Variants in KLF9 observed in about 807,000 individuals in gnomAD.
KLF9 encodes KLF transcription factor 9.
A neutral mutation model predicts 17.3 loss-of-function variants in KLF9; 2 were observed. The observed-to-expected ratio is 0.12, with a 90% CI of 0.05 to 0.36. The LOEUF (loss-of-function observed/expected upper bound fraction) is 0.36, where lower values mean the gene tolerates loss of function less well. Ranked by LOEUF, KLF9 falls within the 10% of genes least tolerant of loss-of-function variation. The probability of loss-of-function intolerance (pLI) is 1.00; values close to 1 mark genes in which losing one functional copy is unlikely to be tolerated. For missense variants in KLF9, 226 were observed against 333.2 expected (o/e 0.68, Z 2.51); for synonymous variants, 138 against 139.2 (o/e 0.99, Z 0.06).
In KLF9 at chr9:70,413,452, AGCGCGGCGCGGCGCGGCACG is replaced by A. The variant is rs1564090823; in HGVS notation, c.-109_-90del. ...CGCCCTGCCCTGGCCTCGGACGACG[AGCGCGGCGCGGCGCGGCACG>A]GCGCGGCGGCCAAGGGGGCGGGGGC... On this transcript the variant is annotated 5_prime_UTR_variant, in exon 1 of 2. Transcript: ENST00000377126. The surrounding 1 kb of genome is among the most constrained non-coding windows in gnomAD (Gnocchi z 5.6). The A allele has an allele frequency of 1.6e-6, 2 of 1,257,914 alleles. No homozygotes were observed. Among genetic ancestry groups the A allele is most frequent in the African/African-American group, 1.6e-5 (1 of 63,814 alleles). The allele number at this position is 1,257,914 out of a possible 1,614,324, so 77.9% of individuals were successfully genotyped here.
chr9:70,401,414 C>T lies in KLF9; in HGVS notation c.505+11445G>A, dbSNP rs972444033. 7.3e-5 allele frequency among the ~76,000 whole-genome samples: 11 copies of T among 151,636 alleles called. No individual in the cohort carries two copies. The South Asian group carries it at 8.3e-4, about 12-fold the overall frequency. ...TAAAAATACAAAAATTAGCTGGGTG[C>T]GGTGGCTCATGCCTGTAATCCAGCA... On this transcript the variant is annotated intron_variant, in intron 1 of 1. Transcript: ENST00000377126.
chr9:70,412,073 T>G (rs1287524472), intron 1 of KLF9, among the ~76,000 whole-genome samples: 1 of 150,550 alleles, frequency 6.6e-6, no homozygotes, highest in Non-Finnish European at 1.5e-5. Context: ...AACTATTCCC[T>G]GAGGCCTCCA....
intron 1 of KLF9, among the ~76,000 whole-genome samples, chr9:70,411,670 A>G (rs1285460586): frequency 6.6e-6 from 1 of 152,044 alleles, no homozygotes; most frequent in African/African-American, 2.4e-5. Context: ...ATCAAGTATC[A>G]TTTTTTTCCA....
chr9:70,388,617 A>C (rs2037130953), intron 1 of KLF9, among the ~76,000 whole-genome samples: 1 of 152,156 alleles, frequency 6.6e-6, no homozygotes, highest in South Asian at 2.1e-4. Flanking sequence ...TTTCAAGAGT[A>C]AAAAAGCTGA....
At position 70,408,900 on chromosome 9, in the gene KLF9, G is replaced by A. The variant is rs544284910; in HGVS notation, c.505+3959C>T. Among the ~76,000 whole-genome samples, 9 of 149,880 alleles carry A rather than the reference G, an allele frequency of 6.0e-5. No individual in the cohort carries two copies. In the South Asian group the frequency reaches 8.4e-4, roughly 14 times the overall value. ...TGCCAAGGATCCCAAGAATGTGTTC[G>A]AAGAGGCTAAGGAGCAGAAGCCGCC... On this transcript the variant is annotated intron_variant, in intron 1 of 1. Transcript: ENST00000377126.
At position 70,386,566 on chromosome 9, in the gene KLF9, G is replaced by C. The variant is rs981041892; in HGVS notation, c.*1210C>G. Reference sequence around the variant, plus strand: ...TACATAACTCTTGCACCTGAGAGTGGGAGTTTTGTAGGAACACAGGAAGGA... The same window carrying C: ...TACATAACTCTTGCACCTGAGAGTGCGAGTTTTGTAGGAACACAGGAAGGA... On this transcript the variant is annotated 3_prime_UTR_variant, in exon 2 of 2. Transcript: ENST00000377126. 1 of 152,536 alleles carries C rather than the reference G, an allele frequency of 6.6e-6. No homozygotes were observed. The highest frequency in any genetic ancestry group is 1.5e-5 in the Non-Finnish European group (1 of 68,018). The allele number at this position is 152,536 out of a possible 1,614,324, so 9.4% of individuals were successfully genotyped here.
intron 1 of KLF9, among the ~76,000 whole-genome samples, chr9:70,409,176 A>ATG (rs71489076): frequency 1.3e-4 from 13 of 102,072 alleles, no homozygotes; most frequent in East Asian, 2.2e-4. Flanking sequence ...ATATGTATAT[A>ATG]TATGTATACA....
intron 1 of KLF9, among the ~76,000 whole-genome samples, chr9:70,409,102 G>GTGTATATATATACATATA (rs2037285455): frequency 1.2e-5 from 1 of 85,580 alleles, no homozygotes; most frequent in Non-Finnish European, 2.7e-5. Flanking sequence ...GTATATATAT[G>GTGTATATATATACATATA]TGTATATATA....
intron 1 of KLF9, among the ~76,000 whole-genome samples, chr9:70,392,904 A>T (rs1181461151): frequency 6.6e-6 from 1 of 152,190 alleles, no homozygotes; most frequent in Non-Finnish European, 1.5e-5. Flanking sequence ...AAAATACCCA[A>T]CACACTTGTA....
intron 1 of KLF9, among the ~76,000 whole-genome samples, chr9:70,408,061 T>C (rs1343226277): frequency 6.6e-6 from 1 of 152,102 alleles, no homozygotes; most frequent in Non-Finnish European, 1.5e-5. Flanking sequence ...ACAGCTCAAG[T>C]GTATCTGTGG....
rs753450900 is a variant in KLF9, at chr9:70,414,480, A to T, written c.-1117T>A. On this transcript the variant is annotated 5_prime_UTR_variant, in exon 1 of 2. Transcript: ENST00000377126. ...GGCGTTCCGAAAGCAAGCGCTCGAC[A>T]CTTGTAAACGCGAAGAGCTGTAGTG... The T allele has an allele frequency of 2.6e-5, 4 of 152,236 alleles. No individual in the cohort carries two copies. Among genetic ancestry groups the T allele is most frequent in the Non-Finnish European group, 5.9e-5 (4 of 68,050 alleles). The allele number at this position is 152,236 out of a possible 1,614,324, so 9.4% of individuals were successfully genotyped here.
chr9:70,407,885 C>A (rs921087797), intron 1 of KLF9, among the ~76,000 whole-genome samples: 4 of 152,200 alleles, frequency 2.6e-5, no homozygotes, highest in African/African-American at 9.7e-5. Context: ...CAGCCTTTTG[C>A]ATAGATTGTT....
chr9:70,406,966 T>G (rs2037260338), intron 1 of KLF9, among the ~76,000 whole-genome samples: 1 of 151,970 alleles, frequency 6.6e-6, no homozygotes, highest in Admixed American at 6.6e-5. Context: ...GCTTTTTTTT[T>G]TTTTAATGAA....
chr9:70,401,701 AAAAAGAAAAG>A, intron 1 of KLF9, among the ~76,000 whole-genome samples: 2 of 149,570 alleles, frequency 1.3e-5, no homozygotes, highest in Admixed American at 6.6e-5. Flanking sequence ...AAAAAAAAAA[AAAAAGAAAAG>A]AAAAGAAAAG....
rs34245018 is a variant in KLF9 at position 70,388,958 on chromosome 9, T to C, written c.506-953A>G. Among the ~76,000 whole-genome samples the C allele has an allele frequency of 4.9e-3, 750 of 152,178 alleles. 3 individuals carry two copies. Among genetic ancestry groups the C allele is most frequent in the South Asian group, 9.3e-3 (45 of 4,818 alleles). ...AGTTAAGAGACCAGCCTGACCAACA[T>C]GGTGAAACCCCACCTCTACTAAAAA... On this transcript the variant is annotated intron_variant, in intron 1 of 1. Coordinates refer to ENST00000377126, the MANE Select transcript of KLF9 (RefSeq NM_001206.4).
At chr9:70,394,225 G>T (rs2037168630) in intron 1 of KLF9, among the ~76,000 whole-genome samples, 1 of 151,150 alleles carries the variant, frequency 6.6e-6, no homozygotes, top group Non-Finnish European at 1.5e-5. Context: ...CTCTACAAAA[G>T]AAATGTAATT....
chr9:70,387,833 G>A lies in KLF9; in HGVS notation c.678C>T (p.Thr226=). 2 of 1,614,090 alleles carry A rather than the reference G, an allele frequency of 1.2e-6. No homozygotes were observed. The highest frequency in any genetic ancestry group is 1.1e-5 in the South Asian group (1 of 91,072). ...GCTTGATCATGCTGGGGTGGAACTCGGTGTGCCGCCGGGCGTGCTTTGTGA... is the reference window on the plus strand; with the variant it reads ...GCTTGATCATGCTGGGGTGGAACTCAGTGTGCCGCCGGGCGTGCTTTGTGA... ...DHLTKHARRH[T]EFHPSMIKRS... is the part of the protein sequence containing the mutation. Residue 226 remains threonine, a synonymous_variant, in exon 2 of 2, where the codon ACC becomes ACT. Coordinates refer to ENST00000377126, the MANE Select transcript of KLF9 (RefSeq NM_001206.4).
chr9:70,412,803 C>A, intron 1 of KLF9, 56 bp downstream of exon 1: 1 of 1,510,388 alleles, frequency 6.6e-7, no homozygotes, highest in Non-Finnish European at 8.9e-7. Context: ...AGGAACGCTG[C>A]CTGGCCAAAG....
chr9:70,390,632 T>TACACACACACAC (rs375788345), intron 1 of KLF9, among the ~76,000 whole-genome samples: 5 of 150,910 alleles, frequency 3.3e-5, no homozygotes, highest in African/African-American at 1.2e-4. Context: ...GCTCAAACTT[T>TACACACACACAC]ACACACACAC....
Sources: gnomAD v4.1 joint callset for allele counts (sites outside exome capture counted in the v4.1 genomes callset) on GRCh38, gnomAD v4.1.1 for gene constraint, Gnocchi (gnomAD v3.1) non-coding constraint, MANE v1.5 for transcripts, NCBI Gene and HGNC (gene_info 2026-07-23, HGNC 2026-07-21) for gene names.